SLCO1B3: variants seen among roughly 807,000 people sequenced by gnomAD.
SLCO1B3 encodes solute carrier organic anion transporter family member 1B3.
SLCO1B3 carries 72 observed loss-of-function variants against 71.8 expected under a neutral mutation model. The ratio of observed to expected loss-of-function variants is 1.00; its 90% CI spans 0.83 to 1.22. SLCO1B3 has a LOEUF of 1.22. SLCO1B3 is among the 50% of genes most tolerant of loss of function. The pLI is 0.00. For synonymous variants in SLCO1B3, 298 were observed against 278.4 expected (o/e 1.07, Z -0.70); for missense variants, 911 against 819.7 (o/e 1.11, Z -1.36).
chr12:20,904,799 T>G (rs1866206685), intron 15 of SLCO1B3, among the ~76,000 whole-genome samples: 1 of 135,272 alleles, frequency 7.4e-6, no homozygotes, highest in East Asian at 2.2e-4. Flanking sequence ...CTTGAGACAG[T>G]GTCTTGCTCT....
chr12:20,812,114 T>G (rs1337691553), intron 1 of SLCO1B3, among the ~76,000 whole-genome samples: 1 of 151,888 alleles, frequency 6.6e-6, no homozygotes, highest in Non-Finnish European at 1.5e-5. Context: ...TCTGTGTTGG[T>G]CAGGCTGGTC....
chr12:20,907,997 A>G (rs924002835), intron 15 of SLCO1B3, among the ~76,000 whole-genome samples: 4 of 152,188 alleles, frequency 2.6e-5, no homozygotes, highest in Admixed American at 6.5e-5. Flanking sequence ...ACATTTTGAA[A>G]TGGTGATACT....
chr12:20,831,234 G>A (rs1013487161), intron 3 of SLCO1B3, among the ~76,000 whole-genome samples: 1 of 151,888 alleles, frequency 6.6e-6, no homozygotes, highest in African/African-American at 2.4e-5. Flanking sequence ...GCACGCGCCT[G>A]TAGTTCCAGC....
intron 1 of SLCO1B3, among the ~76,000 whole-genome samples, chr12:20,812,964 G>A (rs1395371982): frequency 6.6e-6 from 1 of 152,114 alleles, no homozygotes; most frequent in Non-Finnish European, 1.5e-5. Flanking sequence ...GGAAAAAGTG[G>A]TGTAAATTTA....
At chr12:20,839,202 TC>T (rs1257153374) in intron 3 of SLCO1B3, among the ~76,000 whole-genome samples, 2 of 151,598 alleles carry the variant, frequency 1.3e-5, no homozygotes, top group Non-Finnish European at 2.9e-5. Flanking sequence ...ATTTCTTAGA[TC>T]AATTAAGAAT....
In SLCO1B3 at chr12:20,861,023, G is replaced by T; in HGVS notation, c.366G>T (p.Arg122Ser). Reference sequence around the variant, plus strand: ...TTTCATGTTGCTCTTACAGTTATAGGTATTCTAAAGAAACCCATATTAATC... The same window carrying T: ...TTTCATGTTGCTCTTACAGTTATAGTTATTCTAAAGAAACCCATATTAATC... ...SLPHFFMGYY[R>S]YSKETHINPS... Residue 122 changes from arginine to serine, a missense_variant, in exon 6 of 16, where the codon AGG becomes AGT. Arg to Ser is a moderately radical substitution (Grantham distance 110, BLOSUM62 -1). Transcript: ENST00000381545. The T allele has an allele frequency of 6.3e-7, 1 of 1,577,344 alleles. No individual in the cohort carries two copies. Among genetic ancestry groups the T allele is most frequent in the South Asian group, 1.2e-5 (1 of 86,442 alleles).
intron 3 of SLCO1B3, among the ~76,000 whole-genome samples, chr12:20,824,739 C>T (rs1185437202): frequency 6.6e-6 from 1 of 152,102 alleles, no homozygotes; most frequent in African/African-American, 2.4e-5. Flanking sequence ...ACAGTGCTTC[C>T]TGTGTGACTT....
In SLCO1B3 at chr12:20,916,453, A is replaced by T; in HGVS notation, c.*206A>T. The T allele has an allele frequency of 2.3e-6, 1 of 441,450 alleles. No individual in the cohort carries two copies. 27.3% of individuals were successfully genotyped at this position (441,450 alleles called of 1,614,324 possible). A position where few individuals can be genotyped will look rare whatever the true frequency, so the allele number is the denominator to read the frequency against. ...ATGATCCATAAAAATTTAAAGTGAG[A>T]GGCATGGTTAGTGTGTGATACAATA... On this transcript the variant is annotated 3_prime_UTR_variant, in exon 16 of 16. Transcript: ENST00000381545.
At chr12:20,855,912 C>G (rs77638597) in intron 4 of SLCO1B3, among the ~76,000 whole-genome samples, 4,503 of 151,918 alleles carry the variant, frequency 0.03, 110 homozygotes, top group Non-Finnish European at 0.046. Flanking sequence ...ACCAAATTGT[C>G]TATTATATAG....
intron 14 of SLCO1B3, among the ~76,000 whole-genome samples, chr12:20,898,722 G>A (rs1397423123): frequency 6.6e-6 from 1 of 152,074 alleles, no homozygotes; most frequent in African/African-American, 2.4e-5. Context: ...TTAAGAGCAA[G>A]GAATCATCAT....
intron 3 of SLCO1B3, among the ~76,000 whole-genome samples, chr12:20,817,580 A>G (rs1288587282): frequency 6.6e-6 from 1 of 151,942 alleles, no homozygotes; most frequent in Non-Finnish European, 1.5e-5. Context: ...TTTGGTTACT[A>G]TAACTCTATA....
At chr12:20,890,858 T>C (rs1865889747) in intron 13 of SLCO1B3, among the ~76,000 whole-genome samples, 1 of 152,188 alleles carries the variant, frequency 6.6e-6, no homozygotes, top group Admixed American at 6.6e-5. Flanking sequence ...TGTATTTTCA[T>C]AGAATGTCTT....
At chr12:20,883,974 A>T (rs930173769) in intron 13 of SLCO1B3, among the ~76,000 whole-genome samples, 2 of 152,238 alleles carry the variant, frequency 1.3e-5, no homozygotes, top group African/African-American at 2.4e-5. Flanking sequence ...CATTGAAAGA[A>T]AACATTTAGC....
chr12:20,843,514 C>T (rs1864845134), intron 3 of SLCO1B3, among the ~76,000 whole-genome samples: 1 of 152,138 alleles, frequency 6.6e-6, no homozygotes, highest in Non-Finnish European at 1.5e-5. Flanking sequence ...ATCCACGGGG[C>T]TCATGCCTAT....
chr12:20,842,861 T>C (rs1228097715), intron 3 of SLCO1B3, among the ~76,000 whole-genome samples: 3 of 152,162 alleles, frequency 2.0e-5, no homozygotes, highest in Non-Finnish European at 4.4e-5. Context: ...CTTCGAGAAG[T>C]GATTAGGTCA....
At chr12:20,892,068 A>G (rs1865915644) in intron 13 of SLCO1B3, among the ~76,000 whole-genome samples, 1 of 152,030 alleles carries the variant, frequency 6.6e-6, no homozygotes. Flanking sequence ...CAAAGATTTC[A>G]TTTTGGTTTG....
intron 13 of SLCO1B3, among the ~76,000 whole-genome samples, chr12:20,888,963 A>G (rs1015079004): frequency 1.3e-5 from 2 of 152,084 alleles, no homozygotes; most frequent in African/African-American, 4.8e-5. Context: ...GCTTTTTGAA[A>G]AAAGATTTCT....
chr12:20,913,316 A>G (rs923948340), intron 15 of SLCO1B3, among the ~76,000 whole-genome samples: 1 of 152,212 alleles, frequency 6.6e-6, no homozygotes, highest in Non-Finnish European at 1.5e-5. Context: ...CCAATTATCT[A>G]TGGTGAAATT....
In SLCO1B3 at chr12:20,840,239, T is replaced by G. The variant is rs546625421; in HGVS notation, c.85-14789T>G. Among the ~76,000 whole-genome samples the G allele has an allele frequency of 5.3e-5, 8 of 152,270 alleles. No individual in the cohort carries two copies. In the East Asian group the frequency reaches 1.4e-3, roughly 26 times the overall value. On this transcript the variant is annotated intron_variant, in intron 3 of 15. Coordinates refer to ENST00000381545, the MANE Select transcript of SLCO1B3 (RefSeq NM_019844.4). ...ATATCTCCTTGATAGCAAGGGAGGA[T>G]GTATTGGATAAAAACCTGCTATACA...
Sources: gnomAD v4.1 joint callset for allele counts (sites outside exome capture counted in the v4.1 genomes callset) on GRCh38, gnomAD v4.1.1 for gene constraint, MANE v1.5 for transcripts, NCBI Gene and HGNC (gene_info 2026-07-23, HGNC 2026-07-21) for gene names.